Variants in KIF16B observed in about 807,000 individuals in gnomAD.
KIF16B encodes kinesin family member 16B.
A neutral mutation model predicts 156.3 loss-of-function variants in KIF16B; 98 were observed. The observed-to-expected ratio is 0.63, with a 90% confidence interval of 0.53 to 0.74. KIF16B has a LOEUF of 0.74. Ranked by LOEUF, KIF16B falls within the 30% of genes least tolerant of loss-of-function variation. The pLI is 0.00. For missense variants in KIF16B, 1,421 were observed against 1,606.5 expected (o/e 0.88, Z 1.97); for synonymous variants, 564 against 583.7 (o/e 0.97, Z 0.49).
chr20:16,333,656 T>G (rs2063987460), intron 24 of KIF16B, among the ~76,000 whole-genome samples: 1 of 152,246 alleles, frequency 6.6e-6, no homozygotes, highest in Non-Finnish European at 1.5e-5. Context: ...GACTCACTGG[T>G]TCATGTCATT....
At chr20:16,490,990 C>G (rs956387880) in intron 12 of KIF16B, among the ~76,000 whole-genome samples, 1 of 152,230 alleles carries the variant, frequency 6.6e-6, no homozygotes, top group Non-Finnish European at 1.5e-5. Flanking sequence ...AGGAAGAAAC[C>G]AATACCACCT....
At chr20:16,475,560 C>A (rs542166889) in intron 12 of KIF16B, among the ~76,000 whole-genome samples, 1 of 152,278 alleles carries the variant, frequency 6.6e-6, no homozygotes, top group Non-Finnish European at 1.5e-5. Flanking sequence ...CACAGATCAG[C>A]CGGGAACCAA....
At chr20:16,335,814 G>A in intron 24 of KIF16B, 112 bp downstream of exon 24, 1 of 636,462 alleles carries the variant, frequency 1.6e-6, no homozygotes, top group South Asian at 2.3e-5. Flanking sequence ...ACACTAATAA[G>A]CTAGTATCTG....
chr20:16,492,288 T>G (rs2068318774), intron 12 of KIF16B, among the ~76,000 whole-genome samples: 1 of 152,234 alleles, frequency 6.6e-6, no homozygotes, highest in South Asian at 2.1e-4. Context: ...AGCTCTCCTC[T>G]TCACCTTAGT....
intron 1 of KIF16B, 28 bp downstream of exon 1, chr20:16,573,201 G>A: frequency 6.4e-7 from 1 of 1,564,174 alleles, no homozygotes; most frequent in Non-Finnish European, 8.7e-7. Flanking sequence ...GCGCGACGAG[G>A]GGGCGGGGCG....
intron 12 of KIF16B, among the ~76,000 whole-genome samples, chr20:16,490,285 C>T (rs978535848): frequency 3.9e-5 from 6 of 152,066 alleles, no homozygotes; most frequent in Non-Finnish European, 8.8e-5. Flanking sequence ...TGGTGGCTCA[C>T]GCCTGCAACA....
chr20:16,313,726 A>G (rs559433257), intron 24 of KIF16B, among the ~76,000 whole-genome samples: 1 of 152,244 alleles, frequency 6.6e-6, no homozygotes, highest in East Asian at 1.9e-4. Flanking sequence ...GTTCAGCATC[A>G]TGTTTGTGAG....
At chr20:16,567,949 C>T (rs980230490) in intron 1 of KIF16B, among the ~76,000 whole-genome samples, 1 of 152,136 alleles carries the variant, frequency 6.6e-6, no homozygotes, top group Non-Finnish European at 1.5e-5. Context: ...GAGACTTCGT[C>T]TCAAAAAAAA....
rs28448286 is a variant in KIF16B at position 16,544,064 on chromosome 20, G to A, written c.48-15624C>T. 3.7e-3 allele frequency among the ~76,000 whole-genome samples: 566 copies of A among 152,236 alleles called. 2 individuals carry two copies. Among genetic ancestry groups the A allele is most frequent in the African/African-American group, 0.013 (538 of 41,546 alleles). On this transcript the variant is annotated intron_variant, in intron 1 of 25. Transcript: ENST00000354981. ...GCCAGTATATTTAGAGAATCCACACGATTGCTCTCCAAACAGGGTGGAAGT... is the reference window on the plus strand; with the variant it reads ...GCCAGTATATTTAGAGAATCCACACAATTGCTCTCCAAACAGGGTGGAAGT...
At chr20:16,410,069 A>AGGTACATATATATATGTT (rs2065898823) in intron 15 of KIF16B, among the ~76,000 whole-genome samples, 2 of 49,508 alleles carry the variant, frequency 4.0e-5, no homozygotes, top group Admixed American at 5.0e-4. Flanking sequence ...ATATATATGT[A>AGGTACATATATATATGTT]GGTACATATA....
intron 12 of KIF16B, among the ~76,000 whole-genome samples, chr20:16,464,780 A>T (rs1264041424): frequency 1.3e-5 from 2 of 152,106 alleles, no homozygotes; most frequent in African/African-American, 2.4e-5. Flanking sequence ...TTGAACTCTG[A>T]ATTTCTTTGT....
chr20:16,569,148 A>G (rs1366651369), intron 1 of KIF16B, among the ~76,000 whole-genome samples: 1 of 152,198 alleles, frequency 6.6e-6, no homozygotes, highest in African/African-American at 2.4e-5. Context: ...CAGACAGCCT[A>G]TCTGCTGGCA....
chr20:16,365,940 C>A (rs565566673), intron 22 of KIF16B, among the ~76,000 whole-genome samples: 3 of 152,236 alleles, frequency 2.0e-5, no homozygotes, highest in Middle Eastern at 6.8e-3. Flanking sequence ...GACAGAAGCA[C>A]GTCTCCTTCC....
intron 1 of KIF16B, among the ~76,000 whole-genome samples, chr20:16,546,519 G>A (rs1185815680): frequency 5.3e-5 from 8 of 152,192 alleles, no homozygotes; most frequent in Non-Finnish European, 8.8e-5. Context: ...ACATTCTGGT[G>A]TGGAGATTCA....
intron 6 of KIF16B, among the ~76,000 whole-genome samples, chr20:16,510,469 G>A (rs976156444): frequency 2.0e-5 from 3 of 152,148 alleles, no homozygotes; most frequent in African/African-American, 7.2e-5. Flanking sequence ...GGCCAAGATG[G>A]TGAAACCCTG....
intron 16 of KIF16B, 117 bp from the exon 17 acceptor site, chr20:16,405,018 C>G (rs757602383): frequency 7.2e-6 from 5 of 695,952 alleles, no homozygotes; most frequent in South Asian, 3.2e-5. Flanking sequence ...CTAATTAACA[C>G]GCACCACAAT....
rs148523307 is a variant in KIF16B, at chr20:16,510,527, G to A, written c.556+891C>T. The stretch of plus-strand genomic sequence containing the variant: ...TAGCCAGGTGTGGTGGCAGGCGCCT[G>A]TAATCCCTGCTACTGGGGAGGCTGA... On this transcript the variant is annotated intron_variant, in intron 6 of 25. Coordinates refer to ENST00000354981, the MANE Select transcript of KIF16B (RefSeq NM_024704.5). Among the ~76,000 whole-genome samples, 507 of 152,230 alleles carry A rather than the reference G, an allele frequency of 3.3e-3. 1 individual carries two copies. The highest frequency in any genetic ancestry group is 0.012 in the African/African-American group (484 of 41,536).
intron 15 of KIF16B, among the ~76,000 whole-genome samples, chr20:16,424,528 A>G (rs2066306559): frequency 6.6e-6 from 1 of 152,168 alleles, no homozygotes; most frequent in Non-Finnish European, 1.5e-5. Flanking sequence ...TACAGTGTGC[A>G]ACCATTAAAA....
At chr20:16,308,507 G>T (rs1034390371) in intron 25 of KIF16B, among the ~76,000 whole-genome samples, 3 of 152,172 alleles carry the variant, frequency 2.0e-5, no homozygotes, top group African/African-American at 4.8e-5. Context: ...TAAAAGAAGG[G>T]GTTTGTTCTA....
Sources: allele counts gnomAD v4.1 joint callset (sites outside exome capture counted in the v4.1 genomes callset), GRCh38; gene constraint gnomAD v4.1.1; transcripts MANE v1.5; gene names NCBI Gene and HGNC (gene_info 2026-07-23, HGNC 2026-07-21).